The following NEBL variants were observed in gnomAD, a reference collection of about 807,000 sequenced individuals.
The protein encoded by NEBL is LIM and SH3 protein 2.
NEBL carries 122 observed loss-of-function variants against 140.2 expected under a neutral mutation model. That is an observed-to-expected ratio of 0.87 (90% CI 0.75 to 1.01). The LOEUF is 1.01. Among genes scored for constraint, NEBL ranks in the 50% least tolerant of loss-of-function variants. The probability of loss-of-function intolerance (pLI) is 0.00; values close to 1 mark genes in which losing one functional copy is unlikely to be tolerated. For synonymous variants in NEBL, 436 were observed against 398.9 expected, an observed-to-expected ratio of 1.09 and a Z score of -1.11; for missense variants, 1,365 against 1,231.3, an observed-to-expected ratio of 1.11 and a Z score of -1.62.
chr10:20,886,436 T>C (rs1846526580), intron 4 of NEBL, among the ~76,000 whole-genome samples: 1 of 151,762 alleles, frequency 6.6e-6, no homozygotes, highest in Non-Finnish European at 1.5e-5. Context: ...GGCTGAGGCA[T>C]GAGAATAACT....
At chr10:20,838,718 G>A (rs1841127328) in intron 13 of NEBL, among the ~76,000 whole-genome samples, 1 of 152,064 alleles carries the variant, frequency 6.6e-6, no homozygotes, top group African/African-American at 2.4e-5. Context: ...TTTAAGGAAT[G>A]GCCACAGTCA....
intron 2 of NEBL, among the ~76,000 whole-genome samples, chr10:21,151,178 T>G (rs1840121050): frequency 6.6e-6 from 1 of 152,200 alleles, no homozygotes; most frequent in Non-Finnish European, 1.5e-5. Flanking sequence ...GCCAAAATTA[T>G]ATTCAGGAAA....
At chr10:20,969,576 C>G (rs1796117816) in intron 3 of NEBL, among the ~76,000 whole-genome samples, 1 of 128,104 alleles carries the variant, frequency 7.8e-6, no homozygotes. Flanking sequence ...GACAGAGTCT[C>G]TCTCTGTCAC....
chr10:20,930,582 A>C (rs535303764), intron 4 of NEBL, among the ~76,000 whole-genome samples: 123 of 152,188 alleles, frequency 8.1e-4, no homozygotes, highest in Non-Finnish European at 1.4e-3. Flanking sequence ...CTCCTACTAA[A>C]TCCTACACCA....
chr10:21,092,856 A>T (rs1462548651), intron 2 of NEBL, among the ~76,000 whole-genome samples: 1 of 152,160 alleles, frequency 6.6e-6, no homozygotes, highest in East Asian at 1.9e-4. Context: ...AGCTTATGTT[A>T]TCAGCTTTCC....
chr10:20,809,387 T>A (rs1433809811), intron 25 of NEBL, among the ~76,000 whole-genome samples: 1 of 152,306 alleles, frequency 6.6e-6, no homozygotes, highest in East Asian at 1.9e-4. Flanking sequence ...TACTTGAAAA[T>A]TTATTTTAAG....
intron 3 of NEBL, among the ~76,000 whole-genome samples, chr10:21,009,412 A>G (rs1228355041): frequency 9.9e-5 from 15 of 152,196 alleles, no homozygotes; most frequent in Non-Finnish European, 8.8e-5. Context: ...AATTCCACAG[A>G]AACAGGAGCT....
At chr10:21,177,535 C>CTT (rs541092301), upstream of NEBL, among the ~76,000 whole-genome samples, 199 of 145,066 alleles carry the variant, frequency 1.4e-3, 4 homozygotes, top group East Asian at 0.036. Context: ...TTTATTTTTC[C>CTT]TTTTTTTTTT....
chr10:21,263,678 A>T (rs1055593370), intron 1 of NEBL, among the ~76,000 whole-genome samples: 1 of 152,186 alleles, frequency 6.6e-6, no homozygotes. Context: ...AAAAGCGGTT[A>T]AACTGGCCAG....
chr10:21,055,912 A>T (rs1457770686), intron 2 of NEBL, among the ~76,000 whole-genome samples: 2 of 152,106 alleles, frequency 1.3e-5, no homozygotes, highest in Non-Finnish European at 2.9e-5. Context: ...AATCAGCCAG[A>T]GTATCTTGGC....
At chr10:21,219,269 A>G (rs926936780) in intron 3 of NEBL, among the ~76,000 whole-genome samples, 3 of 152,232 alleles carry the variant, frequency 2.0e-5, no homozygotes, top group African/African-American at 7.2e-5. Context: ...TGTATTTTTT[A>G]TAAGTGAGGG....
intron 3 of NEBL, among the ~76,000 whole-genome samples, chr10:20,969,165 G>A (rs1000200948): frequency 4.6e-5 from 7 of 152,134 alleles, no homozygotes; most frequent in African/African-American, 1.7e-4. Context: ...ATCTGATTAA[G>A]AGTTTTTTTT....
At chr10:21,152,558 G>C (rs1840184089) in intron 2 of NEBL, among the ~76,000 whole-genome samples, 1 of 150,060 alleles carries the variant, frequency 6.7e-6, no homozygotes, top group Admixed American at 6.6e-5. Flanking sequence ...CTAGGAAACA[G>C]AGCAAGACCC....
At chr10:20,842,404 A>T (rs1841483304) in intron 12 of NEBL, among the ~76,000 whole-genome samples, 1 of 151,774 alleles carries the variant, frequency 6.6e-6, no homozygotes, top group African/African-American at 2.4e-5. Flanking sequence ...ATAGGAAATG[A>T]AGTATAAAAT....
chr10:21,147,293 C>G (rs12243039), intron 2 of NEBL, among the ~76,000 whole-genome samples: 4 of 152,024 alleles, frequency 2.6e-5, no homozygotes, highest in Non-Finnish European at 5.9e-5. Context: ...AAACTAGGAA[C>G]CTTCGCCCAG....
chr10:20,852,762 C>A, intron 9 of NEBL, 113 bp from the exon 10 acceptor site: 1 of 941,638 alleles, frequency 1.1e-6, no homozygotes, highest in Non-Finnish European at 1.7e-6. Context: ...AAAGCTGTTG[C>A]CAAGTCCCCA....
rs1284593276 is a variant in NEBL at position 20,889,915 on chromosome 10, T to A, written c.188A>T (p.Asp63Val). The A allele has an allele frequency of 5.0e-6, 8 of 1,610,310 alleles. No homozygotes were observed. The South Asian group carries it at 6.6e-5, about 13-fold the overall frequency. ...RYKEEFKKSK[D>V]KCTFVTDSPM... The stretch of plus-strand genomic sequence containing the variant: ...ACTGTCAGTCACAAATGTACACTTA[T>A]CCTTGGACTTTTTAAACTCTTCTTT... Residue 63 changes from aspartate to valine, a missense_variant, in exon 3 of 28, where the codon GAT becomes GTT. Around this residue, in one of 2 missense-constraint regions of NEBL, gnomAD observed 1,323 missense variants for 1,154.8 expected, o/e 1.15. Transcript: ENST00000377122.
intron 1 of NEBL, among the ~76,000 whole-genome samples, chr10:21,281,486 C>CT (rs34747568): frequency 0.021 from 3,047 of 147,566 alleles, 84 homozygotes; most frequent in African/African-American, 0.068. Flanking sequence ...TTCTTTCTTT[C>CT]TTTTTTTTTT....
intron 2 of NEBL, among the ~76,000 whole-genome samples, chr10:21,094,499 CAAAAAAAAAAAAAAA>C (rs72278772): frequency 6.5e-4 from 41 of 63,196 alleles, no homozygotes; most frequent in South Asian, 3.5e-3. Flanking sequence ...GACTCCGTCT[CAAAAAAAAAAAAAAA>C]AAAAAAAAAA....
Sources: gnomAD v4.1 joint callset for allele counts (sites outside exome capture counted in the v4.1 genomes callset) on GRCh38, gnomAD v4.1.1 for gene constraint, gnomAD v4.1.1 regional missense constraint, MANE v1.5 for transcripts, NCBI Gene and HGNC (gene_info 2026-07-23, HGNC 2026-07-21) for gene names.